Variants in ERC1 observed in about 807,000 individuals in gnomAD.
The protein encoded by ERC1 is RAB6 interacting protein 2.
A neutral mutation model predicts 132.0 loss-of-function variants in ERC1; 56 were observed. That is an observed-to-expected ratio of 0.42 (90% CI 0.34 to 0.53). ERC1 has a LOEUF of 0.53. Ranked by LOEUF, ERC1 falls within the 20% of genes least tolerant of loss-of-function variation. ERC1 has a pLI of 0.03. For missense variants in ERC1, 1,202 were observed against 1,349.9 expected, an observed-to-expected ratio of 0.89 and a Z score of 1.72; for synonymous variants, 478 against 476.1, an observed-to-expected ratio of 1.00 and a Z score of -0.05.
chr12:1,166,116 C>T (rs976979813), intron 8 of ERC1, among the ~76,000 whole-genome samples: 3 of 152,036 alleles, frequency 2.0e-5, no homozygotes, highest in African/African-American at 7.2e-5. Flanking sequence ...GGGGCTGGGT[C>T]GAAATGATGT....
intron 1 of ERC1, chr12:991,757 A>C (rs888134572): frequency 1.3e-5 from 2 of 152,428 alleles, no homozygotes; most frequent in Non-Finnish European, 2.9e-5. Flanking sequence ...TTGGGGAGCC[A>C]TGAGGTTGGG....
At chr12:1,344,121 G>A (rs1428067308) in intron 15 of ERC1, among the ~76,000 whole-genome samples, 7 of 152,208 alleles carry the variant, frequency 4.6e-5, no homozygotes, top group African/African-American at 9.6e-5. Context: ...GATTACAGGC[G>A]TGAGCCACCG....
At position 1,490,348 on chromosome 12, in the gene ERC1, C is replaced by T. The variant is rs1477186012; in HGVS notation, c.*118C>T. 2.0e-6 allele frequency: 2 copies of T among 985,488 alleles called. No individual in the cohort carries two copies. The highest frequency in any genetic ancestry group is 3.0e-6 in the Non-Finnish European group (2 of 677,388). 61.0% of individuals were successfully genotyped at this position (985,488 alleles called of 1,614,324 possible). ...ACACTACAAACTTCATCCCAACTTGCTCACTTGAAGAAGTGTGATTCCAGC... is the reference window on the plus strand; with the variant it reads ...ACACTACAAACTTCATCCCAACTTGTTCACTTGAAGAAGTGTGATTCCAGC... On this transcript the variant is annotated 3_prime_UTR_variant, in exon 19 of 19. Transcript: ENST00000360905.
At chr12:1,394,226 C>A (rs886384208) in intron 16 of ERC1, among the ~76,000 whole-genome samples, 2 of 150,978 alleles carry the variant, frequency 1.3e-5, no homozygotes, top group Non-Finnish European at 3.0e-5. Context: ...CGGTGAAACC[C>A]CATCTCTACT....
At chr12:1,056,082 T>A (rs1221095027) in intron 2 of ERC1, among the ~76,000 whole-genome samples, 53 of 135,470 alleles carry the variant, frequency 3.9e-4, no homozygotes, top group Non-Finnish European at 1.8e-4. Flanking sequence ...TTTTTTTTTT[T>A]TTAAAAAAAA....
intron 2 of ERC1, among the ~76,000 whole-genome samples, chr12:1,052,296 C>G (rs1324696952): frequency 6.6e-6 from 1 of 152,140 alleles, no homozygotes; most frequent in African/African-American, 2.4e-5. Context: ...TTTATTGTCT[C>G]TGTGTATTTT....
intron 8 of ERC1, among the ~76,000 whole-genome samples, chr12:1,142,225 A>ATG (rs1555267057): frequency 1.3e-5 from 2 of 152,282 alleles, no homozygotes; most frequent in African/African-American, 2.4e-5. Flanking sequence ...AGCAAAAAAA[A>ATG]TGTGTGTGTG....
chr12:1,104,977 G>T (rs539110492), intron 4 of ERC1, among the ~76,000 whole-genome samples, 153 bp downstream of exon 4: 1 of 152,314 alleles, frequency 6.6e-6, no homozygotes, highest in South Asian at 2.1e-4. Flanking sequence ...CATCTTAAAA[G>T]AATTTCAGTT....
chr12:1,475,500 A>G (rs2093952035), intron 18 of ERC1, among the ~76,000 whole-genome samples: 1 of 152,226 alleles, frequency 6.6e-6, no homozygotes, highest in Non-Finnish European at 1.5e-5. Flanking sequence ...TTACAGAGAA[A>G]AGGGGCTCAA....
chr12:1,095,598 A>C (rs535978260), intron 3 of ERC1, among the ~76,000 whole-genome samples: 1 of 152,314 alleles, frequency 6.6e-6, no homozygotes, highest in South Asian at 2.1e-4. Flanking sequence ...TTCTACCTCT[A>C]ATTTTTTCAA....
intron 16 of ERC1, among the ~76,000 whole-genome samples, chr12:1,397,086 C>T (rs1415043790): frequency 6.6e-6 from 1 of 152,134 alleles, no homozygotes; most frequent in African/African-American, 2.4e-5. Flanking sequence ...TGTACATGGT[C>T]CTTACCCATT....
intron 8 of ERC1, among the ~76,000 whole-genome samples, chr12:1,179,721 A>T (rs1289537036): frequency 6.6e-6 from 1 of 151,652 alleles, no homozygotes; most frequent in South Asian, 2.1e-4. Flanking sequence ...TTTAGCTGGG[A>T]TGGTCTTGAT....
At chr12:1,093,406 T>A (rs1943504625) in intron 3 of ERC1, among the ~76,000 whole-genome samples, 1 of 152,162 alleles carries the variant, frequency 6.6e-6, no homozygotes, top group Non-Finnish European at 1.5e-5. Flanking sequence ...GCTGAGGGCT[T>A]GACAGGTGAT....
chr12:1,369,618 T>A (rs565356480), intron 15 of ERC1, among the ~76,000 whole-genome samples: 3 of 152,294 alleles, frequency 2.0e-5, no homozygotes, highest in African/African-American at 7.2e-5. Flanking sequence ...ATGACCGCAG[T>A]CAACAGGAAA....
chr12:1,421,734 C>T (rs546301999), intron 17 of ERC1, among the ~76,000 whole-genome samples: 5 of 151,784 alleles, frequency 3.3e-5, no homozygotes, highest in Non-Finnish European at 7.4e-5. Context: ...AGCTAGGGAA[C>T]GGGCTGCGCA....
chr12:1,144,650 G>GTGTATATATATACGTA (rs1950182456), intron 8 of ERC1, among the ~76,000 whole-genome samples: 1 of 140,352 alleles, frequency 7.1e-6, no homozygotes, highest in African/African-American at 2.9e-5. Flanking sequence ...ATATATATAC[G>GTGTATATATATACGTA]TATATATATA....
chr12:1,384,348 G>A (rs1016951964), intron 16 of ERC1, among the ~76,000 whole-genome samples: 2 of 152,164 alleles, frequency 1.3e-5, no homozygotes, highest in African/African-American at 2.4e-5. Context: ...GCAGAGGAGA[G>A]GGTAAAATGA....
intron 8 of ERC1, among the ~76,000 whole-genome samples, chr12:1,153,531 A>C (rs981556602): frequency 6.6e-6 from 1 of 152,268 alleles, no homozygotes; most frequent in Non-Finnish European, 1.5e-5. Flanking sequence ...GAAGCAGTCC[A>C]GTCAACAGCT....
At chr12:1,196,824 CTCTCTCTGTCTG>C (rs1392869484) in intron 12 of ERC1, among the ~76,000 whole-genome samples, 13 of 120,098 alleles carry the variant, frequency 1.1e-4, no homozygotes, top group South Asian at 7.1e-4. Flanking sequence ...CTCTCTCTCT[CTCTCTCTGTCTG>C]TCTCTCTGTC....
Sources: allele counts gnomAD v4.1 joint callset (sites outside exome capture counted in the v4.1 genomes callset), GRCh38; gene constraint gnomAD v4.1.1; transcripts MANE v1.5; gene names NCBI Gene and HGNC (gene_info 2026-07-23, HGNC 2026-07-21).